SH3YL1: variants seen among roughly 807,000 people sequenced by gnomAD.
SH3YL1 encodes SH3 and SYLF domain containing 1.
Under a neutral mutation model 45.8 loss-of-function variants are expected in SH3YL1, and 41 were observed. The ratio of observed to expected loss-of-function variants is 0.89; its 90% CI spans 0.70 to 1.16. SH3YL1 has a LOEUF of 1.16. Among genes scored for constraint, SH3YL1 ranks in the 50% most tolerant of loss-of-function variants. SH3YL1 has a pLI of 0.00. For synonymous variants in SH3YL1, 152 were observed against 151.4 expected, an observed-to-expected ratio of 1.00 and a Z score of -0.03; for missense variants, 389 against 409.6, an observed-to-expected ratio of 0.95 and a Z score of 0.43.
intron 4 of SH3YL1, chr2:240,688 T>A (rs1485034893): frequency 6.6e-6 from 1 of 152,134 alleles, no homozygotes; most frequent in African/African-American, 2.4e-5. Flanking sequence ...AATGGAGCAA[T>A]CAGCAGGCAA....
chr2:243,559 G>T (rs1377653262), intron 4 of SH3YL1: 1 of 1,491,616 alleles, frequency 6.7e-7, no homozygotes, highest in Non-Finnish European at 8.9e-7. Context: ...AGCTGTAAAT[G>T]TGTCTATTAA....
At chr2:225,831 C>T (rs550080142) in intron 8 of SH3YL1, among the ~76,000 whole-genome samples, 10 of 152,224 alleles carry the variant, frequency 6.6e-5, no homozygotes, top group Non-Finnish European at 1.2e-4. Flanking sequence ...ACAAATTTAA[C>T]ACAAAAGGCA....
At chr2:263,877 T>C in intron 1 of SH3YL1, 107 bp downstream of exon 1, 3 of 963,252 alleles carry the variant, frequency 3.1e-6, no homozygotes, top group Admixed American at 2.2e-5. Flanking sequence ...ACGCGCGACC[T>C]AGAAACCCCA....
At position 262,680 on chromosome 2, in the gene SH3YL1, C is replaced by T. The variant is rs1409696813; in HGVS notation, c.1+1304G>A. ...GGACTTGTGAGGCTCTCAGCAGAGT[C>T]AGGGTAGCAGTTATTTCCCTTTGAC... On this transcript the variant is annotated intron_variant, in intron 1 of 9. Transcript: ENST00000356150. The T allele has an allele frequency of 2.3e-6, 3 of 1,303,530 alleles. No individual in the cohort carries two copies. In the South Asian group the frequency reaches 3.7e-5, roughly 16 times the overall value. 80.7% of individuals were successfully genotyped at this position (1,303,530 alleles called of 1,614,324 possible).
intron 1 of SH3YL1, 125 bp downstream of exon 1, chr2:263,859 G>A: frequency 3.7e-6 from 3 of 806,802 alleles, no homozygotes; most frequent in African/African-American, 1.8e-5. Flanking sequence ...GCGGTTTGCG[G>A]TTAACAGACG....
intron 4 of SH3YL1, chr2:240,310 T>G (rs1161903429): frequency 6.6e-6 from 1 of 152,240 alleles, no homozygotes; most frequent in Non-Finnish European, 1.5e-5. Flanking sequence ...TGCCCCAGCC[T>G]CCAGCTCTGG....
chr2:242,818 G>A, intron 4 of SH3YL1: 3 of 1,533,446 alleles, frequency 2.0e-6, no homozygotes, highest in East Asian at 2.5e-5. Context: ...ACAGTAAAAG[G>A]ATGGAGAAAG....
At position 233,109 on chromosome 2, in the gene SH3YL1, AG is replaced by A. The variant is rs756956135; in HGVS notation, c.524del (p.Thr175IlefsTer81). On this transcript the variant is annotated frameshift_variant, in exon 6 of 10. Transcript: ENST00000356150. LOFTEE classifies it high-confidence loss of function. ...CTTTAACTTGAACTGACTTTCTATT[AG>A]TTTCTTTCCTTTCAATCAAACAGCT... is the stretch of plus-strand genomic sequence containing the variant. ...EGSCLIERKE[T>X]NRKFYCQDIR... 80 of 1,566,692 alleles carry A rather than the reference AG, an allele frequency of 5.1e-5. No individual in the cohort carries two copies. Among genetic ancestry groups the A allele is most frequent in the Non-Finnish European group, 6.6e-5 (76 of 1,155,628 alleles).
intron 1 of SH3YL1, among the ~76,000 whole-genome samples, chr2:257,564 T>C (rs1382250480): frequency 6.6e-6 from 1 of 152,206 alleles, no homozygotes; most frequent in Non-Finnish European, 1.5e-5. Context: ...CACTGCTAAG[T>C]GTTCACATAA....
At chr2:249,916 A>T (rs1292027046) in intron 2 of SH3YL1, 72 bp from the exon 3 acceptor site, 1 of 1,062,012 alleles carries the variant, frequency 9.4e-7, no homozygotes, top group East Asian at 2.6e-5. Flanking sequence ...CAAGTGTTAA[A>T]CAGAGTCAGT....
chr2:229,144 C>T (rs575259108), intron 8 of SH3YL1, among the ~76,000 whole-genome samples: 15 of 151,896 alleles, frequency 9.9e-5, no homozygotes, highest in South Asian at 2.1e-4. Context: ...CCTCCATATA[C>T]GAAAAACAGA....
At chr2:236,683 A>C (rs1222733095) in intron 4 of SH3YL1, among the ~76,000 whole-genome samples, 1 of 152,208 alleles carries the variant, frequency 6.6e-6, no homozygotes, top group Non-Finnish European at 1.5e-5. Context: ...GCAAAGGTCA[A>C]GCAGACTCGT....
rs560684905 is a variant in SH3YL1 at position 261,032 on chromosome 2, A to G, written c.1+2952T>C. 3.3e-5 allele frequency: 5 copies of G among 152,378 alleles called. No individual in the cohort carries two copies. In the East Asian group the frequency reaches 9.6e-4, roughly 29 times the overall value. 9.4% of individuals were successfully genotyped at this position (152,378 alleles called of 1,614,324 possible). On this transcript the variant is annotated intron_variant, in intron 1 of 9. Transcript: ENST00000356150. ...GTTGACAAGGCTGGTCACAGTGAGG[A>G]CATCTTCAGTGTGTCAGCTGAACTA...
chr2:245,649 G>C (rs936223848), intron 4 of SH3YL1, among the ~76,000 whole-genome samples: 18 of 152,114 alleles, frequency 1.2e-4, no homozygotes, highest in African/African-American at 4.3e-4. Context: ...AGAATGGTCT[G>C]ACCCAGTCTT....
rs1471587860 is a variant in SH3YL1, at chr2:262,910, A to G, written c.1+1074T>C. 3 of 315,690 alleles carry G rather than the reference A, an allele frequency of 9.5e-6. No homozygotes were observed. The East Asian group carries it at 2.6e-4, about 28-fold the overall frequency. The allele number at this position is 315,690 out of a possible 1,614,324, so 19.6% of individuals were successfully genotyped here. A position where few individuals can be genotyped will look rare whatever the true frequency, so the allele number is the denominator to read the frequency against. On this transcript the variant is annotated intron_variant, in intron 1 of 9. Coordinates refer to ENST00000356150, the MANE Select transcript of SH3YL1 (RefSeq NM_015677.4). ...TACAGAAATTTTCTTTAAACAGAACATTAGTGAACCAAATAACCAATTCTC... is the reference window on the plus strand; with the variant it reads ...TACAGAAATTTTCTTTAAACAGAACGTTAGTGAACCAAATAACCAATTCTC...
chr2:259,992 T>C (rs1041383425), intron 1 of SH3YL1: 1 of 152,124 alleles, frequency 6.6e-6, no homozygotes, highest in African/African-American at 2.4e-5. Flanking sequence ...TCAGCAATTA[T>C]TTGTACAACG....
chr2:258,457 T>G (rs1331197808), intron 1 of SH3YL1, among the ~76,000 whole-genome samples: 3 of 152,202 alleles, frequency 2.0e-5, no homozygotes, highest in Non-Finnish European at 4.4e-5. Flanking sequence ...CTCGATCTGT[T>G]TTTGACTGAT....
chr2:231,862 T>C lies in SH3YL1; in HGVS notation c.534-671A>G, dbSNP rs376028625. The stretch of plus-strand genomic sequence containing the variant: ...TGAATAGTTCTGAAAACCTTATTTT[T>C]CCCCATCCCTCCTATTTTCTACCTC... On this transcript the variant is annotated intron_variant, in intron 6 of 9. Coordinates refer to ENST00000356150, the MANE Select transcript of SH3YL1 (RefSeq NM_015677.4). Among the ~76,000 whole-genome samples, 3 of 152,192 alleles carry C rather than the reference T, an allele frequency of 2.0e-5. 1 individual carries two copies. Among genetic ancestry groups the C allele is most frequent in the African/African-American group, 7.2e-5 (3 of 41,428 alleles).
At position 238,398 on chromosome 2, in the gene SH3YL1, TA is replaced by T. The variant is rs3842545; in HGVS notation, c.292-4127del. 3.3e-5 allele frequency among the ~76,000 whole-genome samples: 5 copies of T among 152,064 alleles called. No homozygotes were observed. The East Asian group carries it at 9.7e-4, about 29-fold the overall frequency. ...TCCTCAGACCAACAGATCTTTTCCTTACATCCCATTCTTAGGGGGCTTAGAA... is the reference window on the plus strand; with the variant it reads ...TCCTCAGACCAACAGATCTTTTCCTTCATCCCATTCTTAGGGGGCTTAGAA... On this transcript the variant is annotated intron_variant, in intron 4 of 9. Coordinates refer to ENST00000356150, the MANE Select transcript of SH3YL1 (RefSeq NM_015677.4).
Sources: gnomAD v4.1 joint callset for allele counts (sites outside exome capture counted in the v4.1 genomes callset) on GRCh38, gnomAD v4.1.1 for gene constraint, MANE v1.5 for transcripts, NCBI Gene and HGNC (gene_info 2026-07-23, HGNC 2026-07-21) for gene names.